MAP4K3: variants seen among roughly 807,000 people sequenced by gnomAD.
MAP4K3 encodes the protein mitogen-activated protein kinase kinase kinase kinase 3, also known as MAPK/ERK kinase kinase kinase 3.
In MAP4K3, 94 loss-of-function variants were observed where a neutral mutation model predicts 143.5. The ratio of observed to expected loss-of-function variants is 0.65; its 90% CI spans 0.55 to 0.78. MAP4K3 has a LOEUF of 0.78. MAP4K3 is among the 30% of genes least tolerant of loss of function. The pLI is 0.00. For missense variants in MAP4K3, 1,077 were observed against 1,068.1 expected (o/e 1.01, Z -0.12); for synonymous variants, 416 against 347.2 (o/e 1.20, Z -2.20).
chr2:39,404,669 T>A (rs1667047311), intron 1 of MAP4K3, among the ~76,000 whole-genome samples: 1 of 144,054 alleles, frequency 6.9e-6, no homozygotes, highest in Non-Finnish European at 1.5e-5. Flanking sequence ...TTGCCCAGGC[T>A]GGAGTGCAAC....
rs920807913 is a variant in MAP4K3 at position 39,299,854 on chromosome 2, G to A, written c.1120-53C>T. 5 of 810,752 alleles carry A rather than the reference G, an allele frequency of 6.2e-6. No homozygotes were observed. In the African/African-American group the frequency reaches 8.8e-5, roughly 14 times the overall value. The allele number at this position is 810,752 out of a possible 1,614,324, so 50.2% of individuals were successfully genotyped here. ...ACAATAGTAGTATATGACACACCAT[G>A]ATACATTAATATATATAATACATAT... On this transcript the variant is annotated intron_variant, in intron 15 of 33. Coordinates refer to ENST00000263881, the MANE Select transcript of MAP4K3 (RefSeq NM_003618.4).
intron 24 of MAP4K3, among the ~76,000 whole-genome samples, chr2:39,273,192 T>A (rs922578994): frequency 2.0e-5 from 3 of 151,386 alleles, no homozygotes; most frequent in African/African-American, 7.3e-5. Context: ...TCTATATATT[T>A]AAAAAAAAAT....
rs948828640 is a variant in MAP4K3 at position 39,300,891 on chromosome 2, T to A, written c.1120-1090A>T. On this transcript the variant is annotated intron_variant, in intron 15 of 33. Transcript: ENST00000263881. ...AAACAATGGGAAATAATCAAATCTA[T>A]CTTCTTTCCTTACAGCCTACGGTCT... Among the ~76,000 whole-genome samples the A allele has an allele frequency of 2.0e-5, 3 of 152,324 alleles. No homozygotes were observed. In the South Asian group the frequency reaches 6.2e-4, roughly 32 times the overall value.
intron 8 of MAP4K3, among the ~76,000 whole-genome samples, chr2:39,329,941 A>C (rs1276775975): frequency 6.6e-6 from 1 of 152,188 alleles, no homozygotes; most frequent in African/African-American, 2.4e-5. Flanking sequence ...CCATCATGAA[A>C]ATATGAATGT....
chr2:39,265,896 C>T (rs1427046156), intron 27 of MAP4K3, among the ~76,000 whole-genome samples: 5 of 151,434 alleles, frequency 3.3e-5, no homozygotes, highest in Admixed American at 6.6e-5. Flanking sequence ...TGGTTATAAA[C>T]CAGAAGAAGT....
intron 7 of MAP4K3, among the ~76,000 whole-genome samples, chr2:39,332,796 C>A (rs1337917227): frequency 6.6e-6 from 1 of 151,984 alleles, no homozygotes; most frequent in African/African-American, 2.4e-5. Flanking sequence ...TTTCTAGATA[C>A]ATATTCTTAA....
intron 12 of MAP4K3, among the ~76,000 whole-genome samples, chr2:39,318,574 T>A (rs551633020): frequency 6.6e-6 from 1 of 152,118 alleles, no homozygotes; most frequent in Non-Finnish European, 1.5e-5. Context: ...GTAACTAATA[T>A]ATGATATTTA....
At chr2:39,365,746 T>C (rs935166918) in intron 2 of MAP4K3, among the ~76,000 whole-genome samples, 1 of 152,168 alleles carries the variant, frequency 6.6e-6, no homozygotes, top group Non-Finnish European at 1.5e-5. Flanking sequence ...GCCCGGCCCA[T>C]AGTAATTTTT....
At chr2:39,325,866 C>T in intron 10 of MAP4K3, 33 bp downstream of exon 10, 1 of 1,560,102 alleles carries the variant, frequency 6.4e-7, no homozygotes, top group Non-Finnish European at 8.8e-7. Context: ...TTGCTCATCT[C>T]ACCATAAAAG....
At chr2:39,373,954 G>A (rs541562233) in intron 2 of MAP4K3, among the ~76,000 whole-genome samples, 1 of 152,310 alleles carries the variant, frequency 6.6e-6, no homozygotes, top group African/African-American at 2.4e-5. Context: ...ATAACTGGAA[G>A]AGTATAACTG....
Position 39,335,615 on chromosome 2 carries a change from G to A in MAP4K3, c.414+1305C>T, listed in dbSNP as rs540753094. On this transcript the variant is annotated intron_variant, in intron 6 of 33. Transcript: ENST00000263881. The stretch of plus-strand genomic sequence containing the variant: ...TCACATTGTTTTCTCTGCTTGAAAT[G>A]TACTCCAACTTCCATTTCTGACAAA... Among the ~76,000 whole-genome samples the A allele has an allele frequency of 3.3e-5, 5 of 152,202 alleles. No homozygotes were observed. The South Asian group carries it at 1.0e-3, about 32-fold the overall frequency.
chr2:39,433,892 T>C (rs145114281), intron 1 of MAP4K3, among the ~76,000 whole-genome samples: 10 of 152,252 alleles, frequency 6.6e-5, no homozygotes, highest in African/African-American at 2.4e-4. Context: ...TTTGAGTCAT[T>C]TAGTCAATAC....
At chr2:39,332,850 A>G (rs112874796) in intron 7 of MAP4K3, among the ~76,000 whole-genome samples, 48 of 152,178 alleles carry the variant, frequency 3.2e-4, no homozygotes, top group African/African-American at 1.2e-3. Flanking sequence ...AGTTATATCT[A>G]TATTTTTATA....
intron 1 of MAP4K3, among the ~76,000 whole-genome samples, chr2:39,404,184 T>C (rs1667029445): frequency 6.6e-6 from 1 of 152,040 alleles, no homozygotes; most frequent in Admixed American, 6.6e-5. Context: ...AGACTCCTGC[T>C]TGAGAAAAGC....
At chr2:39,289,896 C>G (rs1681958940) in intron 19 of MAP4K3, among the ~76,000 whole-genome samples, 1 of 152,068 alleles carries the variant, frequency 6.6e-6, no homozygotes, top group Admixed American at 6.5e-5. Flanking sequence ...CCAAGCCTGG[C>G]CAACATGGCA....
chr2:39,429,972 G>A (rs966625736), intron 1 of MAP4K3, among the ~76,000 whole-genome samples: 21 of 152,190 alleles, frequency 1.4e-4, no homozygotes, highest in African/African-American at 4.3e-4. Context: ...TTTATACAAA[G>A]TTCTAAAAGA....
chr2:39,339,202 C>G (rs535794303), intron 4 of MAP4K3, among the ~76,000 whole-genome samples: 1 of 152,118 alleles, frequency 6.6e-6, no homozygotes, highest in Non-Finnish European at 1.5e-5. Context: ...AAATCTATTC[C>G]AATTAGATTA....
chr2:39,344,490 C>CA (rs1288931012), intron 3 of MAP4K3, among the ~76,000 whole-genome samples: 2 of 152,198 alleles, frequency 1.3e-5, no homozygotes, highest in Non-Finnish European at 2.9e-5. Context: ...CATTGGAACA[C>CA]AGTCATACTC....
At position 39,371,985 on chromosome 2, in the gene MAP4K3, G is replaced by A. The variant is rs948230881; in HGVS notation, c.154+6081C>T. Among the ~76,000 whole-genome samples the A allele has an allele frequency of 4.0e-5, 6 of 151,306 alleles. 1 individual carries two copies. Among genetic ancestry groups the A allele is most frequent in the South Asian group, 4.2e-4 (2 of 4,816 alleles). On this transcript the variant is annotated intron_variant, in intron 2 of 33. Coordinates refer to ENST00000263881, the MANE Select transcript of MAP4K3 (RefSeq NM_003618.4). ...AATAAACGAGCATCCAAATTGCAAA[G>A]GAAGCAGTCAAATTATCCTTGTTTG...
Sources: allele counts gnomAD v4.1 joint callset (sites outside exome capture counted in the v4.1 genomes callset), GRCh38; gene constraint gnomAD v4.1.1; transcripts MANE v1.5; gene names NCBI Gene and HGNC (gene_info 2026-07-23, HGNC 2026-07-21).